The following PTPRG variants were observed in gnomAD, a reference collection of about 807,000 sequenced individuals.
PTPRG encodes receptor-type tyrosine-protein phosphatase gamma.
PTPRG carries 102 observed loss-of-function variants against 165.3 expected under a neutral mutation model. That is an observed-to-expected ratio of 0.62 (90% confidence interval 0.53 to 0.73). PTPRG has a LOEUF of 0.73. PTPRG is among the 30% of genes least tolerant of loss of function. The pLI is 0.00. For synonymous variants in PTPRG, 675 were observed against 669.5 expected, an observed-to-expected ratio of 1.01 and a Z score of -0.13; for missense variants, 1,866 against 1,861.4, an observed-to-expected ratio of 1.00 and a Z score of -0.05.
intron 8 of PTPRG, among the ~76,000 whole-genome samples, chr3:62,171,529 A>G (rs73098516): frequency 0.077 from 11,776 of 152,266 alleles, 762 homozygotes; most frequent in East Asian, 0.35. Flanking sequence ...GAATATTTTC[A>G]TCGCCACAGA....
intron 2 of PTPRG, among the ~76,000 whole-genome samples, chr3:61,825,202 T>G (rs1174464488): frequency 6.6e-6 from 1 of 152,248 alleles, no homozygotes; most frequent in Admixed American, 6.5e-5. Context: ...TCAGTAATTC[T>G]GCACATTCAT....
chr3:62,151,310 T>C (rs1450334317), intron 6 of PTPRG, among the ~76,000 whole-genome samples: 1 of 152,232 alleles, frequency 6.6e-6, no homozygotes, highest in Non-Finnish European at 1.5e-5. Flanking sequence ...ATAAACCCTT[T>C]GCATTCAAAT....
At chr3:61,626,007 G>GT (rs1701596819) in intron 1 of PTPRG, among the ~76,000 whole-genome samples, 1 of 130,816 alleles carries the variant, frequency 7.6e-6, no homozygotes, top group African/African-American at 3.2e-5. Flanking sequence ...AACAGGGTTT[G>GT]TTTGTTTTTT....
chr3:61,622,707 G>A (rs1400394116), intron 1 of PTPRG, among the ~76,000 whole-genome samples: 1 of 152,014 alleles, frequency 6.6e-6, no homozygotes, highest in African/African-American at 2.4e-5. Flanking sequence ...CTGTTTTCTG[G>A]TTTTGTGCCT....
At chr3:62,006,728 TTTC>T (rs1297286845) in intron 4 of PTPRG, among the ~76,000 whole-genome samples, 1 of 152,086 alleles carries the variant, frequency 6.6e-6, no homozygotes, top group African/African-American at 2.4e-5. Context: ...TCTGGAGACA[TTTC>T]TTGTTATTGC....
chr3:62,014,004 T>G (rs909264691), intron 4 of PTPRG, among the ~76,000 whole-genome samples: 5 of 152,170 alleles, frequency 3.3e-5, no homozygotes, highest in Admixed American at 6.5e-5. Flanking sequence ...TATGGGCCTG[T>G]GTATCAGCAA....
intron 2 of PTPRG, chr3:61,770,271 T>A (rs902647480): frequency 6.6e-6 from 1 of 152,172 alleles, no homozygotes; most frequent in Admixed American, 6.5e-5. Flanking sequence ...TTAATGTGAA[T>A]GAATAATTTA....
intron 1 of PTPRG, among the ~76,000 whole-genome samples, chr3:61,648,490 T>G (rs1301438309): frequency 6.6e-6 from 1 of 152,236 alleles, no homozygotes; most frequent in Non-Finnish European, 1.5e-5. Context: ...AGAGAGGTTT[T>G]CTTTTGGAAT....
intron 20 of PTPRG, among the ~76,000 whole-genome samples, chr3:62,270,541 A>G (rs928294110): frequency 6.6e-6 from 1 of 152,170 alleles, no homozygotes; most frequent in South Asian, 2.1e-4. Context: ...GAAACAGCTT[A>G]AGTCAGAGGA....
intron 1 of PTPRG, among the ~76,000 whole-genome samples, chr3:61,574,150 G>A (rs778336045): frequency 1.3e-5 from 2 of 152,042 alleles, no homozygotes; most frequent in Non-Finnish European, 2.9e-5. Context: ...TCTTATTAGT[G>A]CTTTGTTCCA....
At chr3:61,910,310 A>G (rs1000136624) in intron 2 of PTPRG, among the ~76,000 whole-genome samples, 11 of 152,250 alleles carry the variant, frequency 7.2e-5, no homozygotes, top group African/African-American at 2.6e-4. Flanking sequence ...AATGTGCTCC[A>G]TCACTTCCTA....
At chr3:61,681,942 G>T (rs1703455215) in intron 1 of PTPRG, among the ~76,000 whole-genome samples, 1 of 152,076 alleles carries the variant, frequency 6.6e-6, no homozygotes, top group South Asian at 2.1e-4. Flanking sequence ...TTAAGGTCAA[G>T]AGATCGAGAC....
intron 1 of PTPRG, among the ~76,000 whole-genome samples, chr3:61,688,261 G>A (rs1703703678): frequency 6.6e-6 from 1 of 152,214 alleles, no homozygotes; most frequent in Non-Finnish European, 1.5e-5. Context: ...GCCAGGTGTT[G>A]CCCTGGAGAA....
chr3:61,870,834 T>C (rs2037550536), intron 2 of PTPRG, among the ~76,000 whole-genome samples: 1 of 152,136 alleles, frequency 6.6e-6, no homozygotes, highest in Non-Finnish European at 1.5e-5. Flanking sequence ...ATACTAGGCT[T>C]CTTTCTATGA....
At chr3:62,226,353 T>C (rs1700764147) in intron 13 of PTPRG, among the ~76,000 whole-genome samples, 1 of 152,218 alleles carries the variant, frequency 6.6e-6, no homozygotes, top group Non-Finnish European at 1.5e-5. Flanking sequence ...GAAGGCCAGA[T>C]ATAAATCATC....
chr3:61,627,145 C>A (rs1290041812), intron 1 of PTPRG, among the ~76,000 whole-genome samples: 1 of 151,414 alleles, frequency 6.6e-6, no homozygotes, highest in Non-Finnish European at 1.5e-5. Context: ...CTGGATGTTA[C>A]CTGATTTATG....
At chr3:62,149,889 G>A (rs1290831570) in intron 6 of PTPRG, among the ~76,000 whole-genome samples, 3 of 152,188 alleles carry the variant, frequency 2.0e-5, no homozygotes, top group African/African-American at 7.2e-5. Flanking sequence ...GGAAGTTTTG[G>A]ACAGTTGATC....
chr3:61,871,133 G>GTTATGTTATGTTATGTTA (rs1559660066), intron 2 of PTPRG, among the ~76,000 whole-genome samples: 14 of 115,718 alleles, frequency 1.2e-4, no homozygotes, highest in Middle Eastern at 4.3e-3. Flanking sequence ...ATGTTATGTT[G>GTTATGTTATGTTATGTTA]TGTTGTGTTG....
intron 2 of PTPRG, among the ~76,000 whole-genome samples, chr3:61,857,821 C>A (rs1311325603): frequency 6.6e-6 from 1 of 151,966 alleles, no homozygotes; most frequent in African/African-American, 2.4e-5. Context: ...GAAGAAATGA[C>A]GTAAGGTGGG....
Sources: gnomAD v4.1 joint callset for allele counts (sites outside exome capture counted in the v4.1 genomes callset) on GRCh38, gnomAD v4.1.1 for gene constraint, MANE v1.5 for transcripts, NCBI Gene and HGNC (gene_info 2026-07-23, HGNC 2026-07-21) for gene names.